Variants in DPF2 observed in about 807,000 individuals in gnomAD.
DPF2 encodes double PHD fingers 2.
DPF2 carries 10 observed loss-of-function variants against 59.6 expected under a neutral mutation model. The observed-to-expected ratio is 0.17, with a 90% CI of 0.10 to 0.28. The LOEUF is 0.28. Ranked by LOEUF, DPF2 falls within the 10% of genes least tolerant of loss-of-function variation. The pLI is 1.00. For synonymous variants in DPF2, 189 were observed against 190.6 expected (o/e 0.99, Z 0.07); for missense variants, 315 against 509.4 (o/e 0.62, Z 3.67).
intron 4 of DPF2, chr11:65,343,481 G>A: frequency 2.1e-6 from 1 of 484,556 alleles, no homozygotes; most frequent in Non-Finnish European, 3.7e-6. Flanking sequence ...TTGGAAGCAT[G>A]CTATTTGATT....
chr11:65,351,663 C>A lies in DPF2; in HGVS notation c.1100-20C>A, dbSNP rs2137716845. The A allele has an allele frequency of 6.2e-7, 1 of 1,613,366 alleles. No homozygotes were observed. The highest frequency in any genetic ancestry group is 8.5e-7 in the Non-Finnish European group (1 of 1,179,310). The stretch of plus-strand genomic sequence containing the variant: ...GGGATTGTGTGGGACCCATCCTGAC[C>A]CCATTTTGCCTCTCTGCAGGAAGTT... On this transcript the variant is annotated intron_variant, in intron 10 of 10. Coordinates refer to ENST00000528416, the MANE Select transcript of DPF2 (RefSeq NM_006268.5).
In DPF2 at chr11:65,341,453, T is replaced by C. The variant is rs779430281; in HGVS notation, c.356T>C (p.Leu119Ser). 1 of 1,614,220 alleles carries C rather than the reference T, an allele frequency of 6.2e-7. No individual in the cohort carries two copies. The change falls in exon 4 of 11, where the codon TTA becomes TCA. Residue 119 changes from leucine (L) to serine (S), a missense_variant. Leu to Ser is a moderately radical substitution (Grantham distance 145). Coordinates refer to ENST00000528416, the MANE Select transcript of DPF2 (RefSeq NM_006268.5). Reference sequence around the variant, plus strand: ...CTGATCTCTCAGGATGGCAGTAGTTTAGAGGCTCTGTTGCGCACTGACCCC... The same window carrying C: ...CTGATCTCTCAGGATGGCAGTAGTTCAGAGGCTCTGTTGCGCACTGACCCC... The part of the protein sequence containing the change: ...EGLISQDGSS[L>S]EALLRTDPLE...
intron 1 of DPF2, among the ~76,000 whole-genome samples, chr11:65,337,765 G>A (rs972653007): frequency 6.6e-6 from 1 of 151,678 alleles, no homozygotes. Flanking sequence ...GCATCACTAA[G>A]CCTAGCTGAT....
chr11:65,333,926 G>A lies in DPF2; in HGVS notation c.32+8G>A, dbSNP rs1422190487. On this transcript the variant is annotated splice_region_variant and intron_variant, in intron 1 of 10. Coordinates refer to ENST00000528416, the MANE Select transcript of DPF2 (RefSeq NM_006268.5). ...GGAGAATGTAGTGAAGCTGTGAGTG[G>A]TCGTTTCTTTCTCTCCTAGGGCGGC... 2 of 1,613,980 alleles carry A rather than the reference G, an allele frequency of 1.2e-6. No individual in the cohort carries two copies. The highest frequency in any genetic ancestry group is 1.1e-5 in the South Asian group (1 of 91,070).
intron 1 of DPF2, among the ~76,000 whole-genome samples, chr11:65,339,753 G>C (rs147826073): frequency 9.9e-5 from 15 of 152,106 alleles, no homozygotes; most frequent in Non-Finnish European, 1.9e-4. Flanking sequence ...TTTATTTGAC[G>C]CTTCTCAGCA....
chr11:65,342,962 C>G (rs1854418233), intron 4 of DPF2, among the ~76,000 whole-genome samples: 1 of 150,300 alleles, frequency 6.7e-6, no homozygotes, highest in Admixed American at 6.7e-5. Flanking sequence ...CCACTGCACT[C>G]CAGCCTAGGT....
At chr11:65,348,631 A>AAAAAG in intron 9 of DPF2, 4 of 438,360 alleles carry the variant, frequency 9.1e-6, no homozygotes, top group Non-Finnish European at 1.6e-5. Context: ...AAAAAAAAAA[A>AAAAAG]GTGGAGGTGA....
chr11:65,340,859 C>T, intron 2 of DPF2, 107 bp from the exon 3 acceptor site: 2 of 1,165,610 alleles, frequency 1.7e-6, no homozygotes, highest in Non-Finnish European at 2.4e-6. Flanking sequence ...GTCAGAATTT[C>T]TCCCTTGCTC....
chr11:65,352,000 C>T lies in DPF2; in HGVS notation c.*241C>T, dbSNP rs1469588598. Reference sequence around the variant, plus strand: ...CCTAGGCGTGCGTGTGGCCCAGTTTCTCTCTGCTCTCCATTAAGTGCATTC... The same window carrying T: ...CCTAGGCGTGCGTGTGGCCCAGTTTTTCTCTGCTCTCCATTAAGTGCATTC... On this transcript the variant is annotated 3_prime_UTR_variant, in exon 11 of 11. Coordinates refer to ENST00000528416, the MANE Select transcript of DPF2 (RefSeq NM_006268.5). The T allele has an allele frequency of 1.8e-6, 1 of 557,624 alleles. No individual in the cohort carries two copies. The highest frequency in any genetic ancestry group is 1.9e-5 in the African/African-American group (1 of 53,028). The allele number at this position is 557,624 out of a possible 1,614,324, so 34.5% of individuals were successfully genotyped here.
Position 65,333,857 on chromosome 11 carries a change from T to C in DPF2, c.-30T>C, listed in dbSNP as rs371274172. 1.2e-6 allele frequency: 2 copies of C among 1,613,598 alleles called. No homozygotes were observed. Among genetic ancestry groups the C allele is most frequent in the Non-Finnish European group, 1.7e-6 (2 of 1,179,842 alleles). On this transcript the variant is annotated 5_prime_UTR_variant, in exon 1 of 11. Transcript: ENST00000528416. Reference sequence around the variant, plus strand: ...GCCTGCGCGCTGCGGACTGTGGGGCTTCTCGGCCCGAGGCAGAGGAACAGG... The same window carrying C: ...GCCTGCGCGCTGCGGACTGTGGGGCCTCTCGGCCCGAGGCAGAGGAACAGG...
chr11:65,350,519 G>A (rs1323689399), intron 10 of DPF2, among the ~76,000 whole-genome samples: 1 of 150,778 alleles, frequency 6.6e-6, no homozygotes, highest in Non-Finnish European at 1.5e-5. Flanking sequence ...GAGTACCTGG[G>A]ACTACAGGCA....
At chr11:65,346,401 C>G (rs779401217) in intron 9 of DPF2, 42 bp downstream of exon 9, 1 of 1,557,458 alleles carries the variant, frequency 6.4e-7, no homozygotes, top group South Asian at 1.1e-5. Flanking sequence ...TCCTTCTGGG[C>G]TTTTACTGCT....
intron 9 of DPF2, chr11:65,347,411 C>A (rs1854567359): frequency 6.6e-6 from 1 of 151,982 alleles, no homozygotes. Flanking sequence ...CTCACTAAAA[C>A]CTTTCCCTTC....
At chr11:65,333,990 G>C in intron 1 of DPF2, 72 bp downstream of exon 1, 14 of 1,566,554 alleles carry the variant, frequency 8.9e-6, no homozygotes, top group South Asian at 2.3e-5. Flanking sequence ...GGCGGTGGGG[G>C]AAGGGACTAG....
chr11:65,339,061 C>T (rs909121849), intron 1 of DPF2, among the ~76,000 whole-genome samples: 9 of 152,032 alleles, frequency 5.9e-5, no homozygotes, highest in African/African-American at 1.7e-4. Flanking sequence ...TCTCAGACAT[C>T]GTCATGAGTA....
Position 65,345,742 on chromosome 11 carries a change from C to G in DPF2, c.714C>G (p.Gly238=). The change falls in exon 7 of 11, where the codon GGC becomes GGG. Residue 238 remains glycine, a synonymous_variant. Coordinates refer to ENST00000528416, the MANE Select transcript of DPF2 (RefSeq NM_006268.5). ...YAHSHLAEEE[G]EDKEDSQPPT... is the part of the protein sequence containing the mutation. ...ACTCCCACTTGGCTGAGGAGGAGGG[C>G]GAGGACAAGGAAGACTCTCAACCAC... 6.2e-7 allele frequency: 1 copy of G among 1,614,064 alleles called. No individual in the cohort carries two copies. The highest frequency in any genetic ancestry group is 8.5e-7 in the Non-Finnish European group (1 of 1,180,010).
At chr11:65,335,081 T>TG (rs1555028546) in intron 1 of DPF2, among the ~76,000 whole-genome samples, 4 of 150,404 alleles carry the variant, frequency 2.7e-5, no homozygotes, top group Admixed American at 1.3e-4. Context: ...TGTGGTTTGT[T>TG]TTTTTTTTTT....
At position 65,345,887 on chromosome 11, in the gene DPF2, C is replaced by G. The variant is rs370360359; in HGVS notation, c.776-43C>G. ...CTCCTTGCATGGGTGTTGAGTGGCT[C>G]AGGGACCCCCATGGGTGTCATCAAA... On this transcript the variant is annotated intron_variant, in intron 7 of 10. Coordinates refer to ENST00000528416, the MANE Select transcript of DPF2 (RefSeq NM_006268.5). 90 of 1,613,204 alleles carry G rather than the reference C, an allele frequency of 5.6e-5. No individual in the cohort carries two copies. The African/African-American group carries it at 1.0e-3, about 19-fold the overall frequency.
intron 1 of DPF2, 46 bp from the exon 2 acceptor site, chr11:65,340,339 T>C: frequency 6.2e-7 from 1 of 1,602,400 alleles, no homozygotes; most frequent in Non-Finnish European, 8.5e-7. Flanking sequence ...CAGCACCCTA[T>C]GCCCCCCGCT....
Sources: allele counts gnomAD v4.1 joint callset (sites outside exome capture counted in the v4.1 genomes callset), GRCh38; gene constraint gnomAD v4.1.1; transcripts MANE v1.5; gene names NCBI Gene and HGNC (gene_info 2026-07-23, HGNC 2026-07-21).